CTNND2: variants seen among roughly 807,000 people sequenced by gnomAD.
CTNND2 encodes the protein catenin delta-2.
In CTNND2, 22 loss-of-function variants were observed where a neutral mutation model predicts 144.4. The observed-to-expected ratio is 0.15, with a 90% confidence interval of 0.11 to 0.22. CTNND2 has a LOEUF of 0.22. CTNND2 is among the 10% of genes least tolerant of loss of function. The probability of loss-of-function intolerance (pLI) is 1.00; values close to 1 mark genes in which losing one functional copy is unlikely to be tolerated. For missense variants in CTNND2, 1,353 were observed against 1,618.8 expected (o/e 0.84, Z 2.82); for synonymous variants, 751 against 695.6 (o/e 1.08, Z -1.25).
At chr5:11,790,239 T>C (rs72736603) in intron 1 of CTNND2, among the ~76,000 whole-genome samples, 3,444 of 152,308 alleles carry the variant, frequency 0.023, 69 homozygotes, top group Non-Finnish European at 0.036. Context: ...TCAATTTGAA[T>C]TGCATCATGT....
chr5:11,307,169 T>C (rs1456509401), intron 9 of CTNND2, among the ~76,000 whole-genome samples: 1 of 152,180 alleles, frequency 6.6e-6, no homozygotes, highest in East Asian at 1.9e-4. Context: ...TTAGTTTTAC[T>C]GCTATAGTAA....
chr5:11,780,580 G>A (rs1207344727), intron 1 of CTNND2, among the ~76,000 whole-genome samples: 1 of 152,132 alleles, frequency 6.6e-6, no homozygotes, highest in Non-Finnish European at 1.5e-5. Context: ...CAGCCAGCAG[G>A]CCTCTGAACT....
chr5:11,857,200 C>T (rs896341989), intron 1 of CTNND2, among the ~76,000 whole-genome samples: 3 of 152,046 alleles, frequency 2.0e-5, no homozygotes, highest in Non-Finnish European at 4.4e-5. Flanking sequence ...GAACCCAATA[C>T]AAGATGAGAT....
chr5:11,185,840 T>C (rs1057232284), intron 11 of CTNND2, among the ~76,000 whole-genome samples: 3 of 152,258 alleles, frequency 2.0e-5, no homozygotes, highest in African/African-American at 4.8e-5. Context: ...GGGATTGCTA[T>C]GTTGTGTTCG....
At chr5:11,344,467 T>C (rs1754577872) in intron 9 of CTNND2, among the ~76,000 whole-genome samples, 1 of 152,186 alleles carries the variant, frequency 6.6e-6, no homozygotes, top group East Asian at 1.9e-4. Flanking sequence ...ATTACTACAC[T>C]TTATGCTCCA....
chr5:11,292,894 C>T (rs1748510411), intron 9 of CTNND2, among the ~76,000 whole-genome samples: 1 of 152,190 alleles, frequency 6.6e-6, no homozygotes, highest in South Asian at 2.1e-4. Flanking sequence ...GCCCTGCCAA[C>T]ACCTTGATCT....
intron 2 of CTNND2, among the ~76,000 whole-genome samples, chr5:11,574,740 G>C (rs1399088643): frequency 6.6e-6 from 1 of 152,028 alleles, no homozygotes; most frequent in South Asian, 2.1e-4. Flanking sequence ...ACCAAACAAG[G>C]GCAATGAAGA....
intron 1 of CTNND2, among the ~76,000 whole-genome samples, chr5:11,788,631 T>C (rs1202566465): frequency 6.6e-6 from 1 of 152,144 alleles, no homozygotes; most frequent in Non-Finnish European, 1.5e-5. Flanking sequence ...TCCATGTAAA[T>C]AAAAACAAGC....
intron 2 of CTNND2, among the ~76,000 whole-genome samples, chr5:11,651,719 T>C (rs1012574840): frequency 1.3e-5 from 2 of 152,186 alleles, no homozygotes; most frequent in African/African-American, 2.4e-5. Flanking sequence ...GCAGATTATT[T>C]TGGAGCTTTA....
chr5:11,810,042 G>A (rs1792235842), intron 1 of CTNND2, among the ~76,000 whole-genome samples: 1 of 152,078 alleles, frequency 6.6e-6, no homozygotes, highest in African/African-American at 2.4e-5. Flanking sequence ...AGAAAACCAT[G>A]TCCCCGGACA....
At chr5:11,531,771 C>T (rs965914729) in intron 3 of CTNND2, among the ~76,000 whole-genome samples, 1 of 152,146 alleles carries the variant, frequency 6.6e-6, no homozygotes, top group Non-Finnish European at 1.5e-5. Context: ...TTGATATATG[C>T]TTTTTCAGCC....
At chr5:11,521,775 C>T (rs1367221902) in intron 3 of CTNND2, among the ~76,000 whole-genome samples, 1 of 152,176 alleles carries the variant, frequency 6.6e-6, no homozygotes, top group East Asian at 1.9e-4. Context: ...GCAGCAAAGA[C>T]AATCGATGCT....
intron 16 of CTNND2, among the ~76,000 whole-genome samples, chr5:11,029,987 G>A (rs753333413): frequency 6.6e-6 from 1 of 152,056 alleles, no homozygotes; most frequent in Non-Finnish European, 1.5e-5. Flanking sequence ...ATCAGGGAAT[G>A]TCTTAAGTTT....
At chr5:11,115,366 A>C (rs1291921920) in intron 13 of CTNND2, among the ~76,000 whole-genome samples, 1 of 152,208 alleles carries the variant, frequency 6.6e-6, no homozygotes, top group African/African-American at 2.4e-5. Context: ...TTTTATTTTC[A>C]GCTGTAAGGT....
intron 1 of CTNND2, among the ~76,000 whole-genome samples, chr5:11,874,764 G>GTTTC (rs1735426367): frequency 6.6e-6 from 1 of 152,146 alleles, no homozygotes; most frequent in African/African-American, 2.4e-5. Context: ...GTTGACTGTG[G>GTTTC]ATAACTGAAA....
At chr5:11,531,316 C>A (rs1047977129) in intron 3 of CTNND2, among the ~76,000 whole-genome samples, 1 of 152,086 alleles carries the variant, frequency 6.6e-6, no homozygotes, top group South Asian at 2.1e-4. Flanking sequence ...CACGGCCCCC[C>A]ACACAGTGAG....
intron 16 of CTNND2, among the ~76,000 whole-genome samples, chr5:11,041,048 G>C (rs1241497098): frequency 3.3e-5 from 5 of 152,198 alleles, no homozygotes; most frequent in African/African-American, 4.8e-5. Context: ...TTCAGGAATA[G>C]AGTCTGAAAT....
At chr5:11,730,418 A>C (rs1239647775) in intron 2 of CTNND2, among the ~76,000 whole-genome samples, 1 of 152,196 alleles carries the variant, frequency 6.6e-6, no homozygotes, top group Non-Finnish European at 1.5e-5. Context: ...AATGAATTGA[A>C]ACACGAACTT....
At chr5:11,368,507 C>A (rs1349192495) in intron 7 of CTNND2, among the ~76,000 whole-genome samples, 1 of 152,142 alleles carries the variant, frequency 6.6e-6, no homozygotes, top group African/African-American at 2.4e-5. Context: ...AATGAAGGGA[C>A]ACAAGACCTC....
Sources: allele counts gnomAD v4.1 joint callset (sites outside exome capture counted in the v4.1 genomes callset), GRCh38; gene constraint gnomAD v4.1.1; transcripts MANE v1.5; gene names NCBI Gene and HGNC (gene_info 2026-07-23, HGNC 2026-07-21).